GRIP1: variants seen among roughly 807,000 people sequenced by gnomAD.
GRIP1 encodes the protein glutamate receptor-interacting protein 1.
GRIP1 carries 45 observed loss-of-function variants against 129.9 expected under a neutral mutation model. That is an observed-to-expected ratio of 0.35 (90% CI 0.27 to 0.44). The LOEUF is 0.44. GRIP1 is among the 20% of genes least tolerant of loss of function. The probability of loss-of-function intolerance (pLI) is 1.00; values close to 1 mark genes in which losing one functional copy is unlikely to be tolerated. For synonymous variants in GRIP1, 530 were observed against 520.8 expected (o/e 1.02, Z -0.24); for missense variants, 1,196 against 1,396.8 (o/e 0.86, Z 2.29).
At chr12:66,457,118 A>C (rs1309881057) in intron 9 of GRIP1, among the ~76,000 whole-genome samples, 1 of 151,320 alleles carries the variant, frequency 6.6e-6, no homozygotes, top group East Asian at 1.9e-4. Context: ...TATGTTTTAG[A>C]AAATCTTTAT....
intron 19 of GRIP1, among the ~76,000 whole-genome samples, 186 bp downstream of exon 19, chr12:66,392,122 T>A (rs1476738565): frequency 6.6e-6 from 1 of 152,242 alleles, no homozygotes; most frequent in Non-Finnish European, 1.5e-5. Flanking sequence ...TCATGCCTTA[T>A]AAGCACTAGA....
chr12:66,744,652 C>T (rs1035277927), intron 1 of GRIP1, among the ~76,000 whole-genome samples: 1 of 152,126 alleles, frequency 6.6e-6, no homozygotes, highest in East Asian at 1.9e-4. Context: ...AGAGGCCTGG[C>T]CCATCAGCCC....
intron 7 of GRIP1, among the ~76,000 whole-genome samples, chr12:66,504,523 C>T (rs1367379308): frequency 1.3e-5 from 2 of 152,074 alleles, no homozygotes; most frequent in Admixed American, 6.6e-5. Context: ...ACCTGTAGTG[C>T]TCAGGTAGAT....
chr12:66,808,088 G>A (rs2039031307), upstream of GRIP1, among the ~76,000 whole-genome samples: 1 of 151,804 alleles, frequency 6.6e-6, no homozygotes, highest in Admixed American at 6.6e-5. Flanking sequence ...TCAATTAGGT[G>A]TACCACTCTT....
chr12:66,656,599 A>C (rs2033173250), intron 1 of GRIP1, among the ~76,000 whole-genome samples: 1 of 152,202 alleles, frequency 6.6e-6, no homozygotes, highest in Admixed American at 6.5e-5. Context: ...GCTTCTAAGA[A>C]AGAGGGAAAA....
At chr12:66,683,516 A>G (rs2034665095), upstream of GRIP1, among the ~76,000 whole-genome samples, 1 of 152,184 alleles carries the variant, frequency 6.6e-6, no homozygotes, top group African/African-American at 2.4e-5. Context: ...TTTATGAGAA[A>G]ACATTTTTAT....
intron 1 of GRIP1, among the ~76,000 whole-genome samples, chr12:67,040,207 C>CTT (rs1202713562): frequency 6.9e-6 from 1 of 144,548 alleles, no homozygotes; most frequent in Non-Finnish European, 1.5e-5. Flanking sequence ...ATCCCTCACA[C>CTT]TACCCACCCC....
At chr12:66,359,532 T>G (rs2054646536) in intron 23 of GRIP1, among the ~76,000 whole-genome samples, 1 of 152,196 alleles carries the variant, frequency 6.6e-6, no homozygotes, top group South Asian at 2.1e-4. Context: ...CTCATTAACT[T>G]CAAGGTCACA....
chr12:66,651,223 T>C (rs1267045835), intron 1 of GRIP1, among the ~76,000 whole-genome samples: 1 of 152,166 alleles, frequency 6.6e-6, no homozygotes, highest in Admixed American at 6.5e-5. Context: ...ACCTAGAATT[T>C]CATTCCCTGT....
intron 1 of GRIP1, among the ~76,000 whole-genome samples, chr12:66,811,604 TTC>T (rs749619457): frequency 7.2e-4 from 108 of 150,728 alleles, no homozygotes; most frequent in African/African-American, 1.8e-3. Context: ...CTCTCTCTGA[TTC>T]TCTCTCTCTC....
rs542609037 is a variant in GRIP1 at position 66,463,807 on chromosome 12, A to G, written c.873-714T>C. Among the ~76,000 whole-genome samples the G allele has an allele frequency of 2.0e-5, 3 of 152,290 alleles. No homozygotes were observed. The South Asian group carries it at 6.2e-4, about 32-fold the overall frequency. On this transcript the variant is annotated intron_variant, in intron 8 of 24. Transcript: ENST00000359742. The stretch of plus-strand genomic sequence containing the variant: ...AGCTGGCTACTGGATGAGTTAAGAA[A>G]AGCTAGCGCAGTCGTCAGCATCCCC...
At position 66,348,517 on chromosome 12, in the gene GRIP1, C is replaced by T; in HGVS notation, c.*502G>A. The T allele has an allele frequency of 5.9e-6, 1 of 168,570 alleles. No homozygotes were observed. The highest frequency in any genetic ancestry group is 1.3e-5 in the Non-Finnish European group (1 of 77,384). The allele number at this position is 168,570 out of a possible 1,614,324, so 10.4% of individuals were successfully genotyped here. A position where few individuals can be genotyped will look rare whatever the true frequency, so the allele number is the denominator to read the frequency against. Reference sequence around the variant, plus strand: ...AGATAACTTAATTTTATACCTGTACCCCTCCCATTGTGGTAGTCCCAGCAG... The same window carrying T: ...AGATAACTTAATTTTATACCTGTACTCCTCCCATTGTGGTAGTCCCAGCAG... On this transcript the variant is annotated 3_prime_UTR_variant, in exon 25 of 25. Transcript: ENST00000359742.
chr12:66,836,004 C>T (rs1566044853), intron 1 of GRIP1, among the ~76,000 whole-genome samples: 1 of 152,162 alleles, frequency 6.6e-6, no homozygotes. Context: ...ATACCTTCCA[C>T]TTAATTTTAC....
At chr12:66,820,959 T>C (rs541511633) in intron 1 of GRIP1, among the ~76,000 whole-genome samples, 19 of 152,294 alleles carry the variant, frequency 1.2e-4, no homozygotes, top group Middle Eastern at 6.8e-3. Flanking sequence ...TCAAAATCTA[T>C]AGAACATACA....
At chr12:66,953,484 G>A (rs1280933410) in intron 1 of GRIP1, among the ~76,000 whole-genome samples, 1 of 152,174 alleles carries the variant, frequency 6.6e-6, no homozygotes, top group Non-Finnish European at 1.5e-5. Context: ...GGAAACTAAA[G>A]CTTAGAGAGG....
At chr12:66,828,222 T>C (rs1397957400) in intron 1 of GRIP1, among the ~76,000 whole-genome samples, 6 of 152,194 alleles carry the variant, frequency 3.9e-5, no homozygotes, top group East Asian at 1.9e-4. Flanking sequence ...ATTTTAGATA[T>C]AATCATAACT....
intron 2 of GRIP1, among the ~76,000 whole-genome samples, chr12:66,573,361 G>A (rs563950159): frequency 2.0e-5 from 3 of 152,270 alleles, no homozygotes; most frequent in African/African-American, 4.8e-5. Flanking sequence ...CAGATGAGCC[G>A]TGCCTAGAAT....
At chr12:66,940,584 T>C (rs2041568771) in intron 1 of GRIP1, among the ~76,000 whole-genome samples, 3 of 152,210 alleles carry the variant, frequency 2.0e-5, no homozygotes, top group Admixed American at 6.5e-5. Context: ...GTTTTCAGGA[T>C]AAAATTCTTA....
At chr12:66,551,803 A>G (rs1172391485) in intron 2 of GRIP1, among the ~76,000 whole-genome samples, 1 of 151,922 alleles carries the variant, frequency 6.6e-6, no homozygotes. Flanking sequence ...GCTGGTTTTG[A>G]ACTCCTGGGC....
Sources: allele counts gnomAD v4.1 joint callset (sites outside exome capture counted in the v4.1 genomes callset), GRCh38; gene constraint gnomAD v4.1.1; transcripts MANE v1.5; gene names NCBI Gene and HGNC (gene_info 2026-07-23, HGNC 2026-07-21).